The following PNMA8B variants were observed in gnomAD, a reference collection of about 807,000 sequenced individuals.
PNMA8B encodes the protein PNMA family member 8B, also known as paraneoplastic antigen-like protein 8B.
For synonymous variants in PNMA8B, 386 were observed against 394.9 expected (o/e 0.98, Z 0.27); for missense variants, 887 against 885.8 (o/e 1.00, Z -0.02).
Position 46,494,389 on chromosome 19 carries a change from C to G in PNMA8B, c.1077G>C (p.Ser359=). ...TGTCTTTCTCGTCGCTCCAGCCCAG[C>G]GACTCGATAACAGAAGCGATTTTCA... ...EMLKIASVIE[S]LGWSDEKDKR... is the part of the protein sequence containing the mutation. The change falls in exon 1 of 1, where the codon TCG becomes TCC. Residue 359 remains serine (S), a synonymous_variant. Transcript: ENST00000599531. 6.2e-7 allele frequency: 1 copy of G among 1,613,452 alleles called. No individual in the cohort carries two copies. Among genetic ancestry groups the G allele is most frequent in the South Asian group, 1.1e-5 (1 of 91,092 alleles).
chr19:46,495,113 G>A lies in PNMA8B; in HGVS notation c.353C>T (p.Ala118Val). The A allele has an allele frequency of 1.2e-6, 2 of 1,613,578 alleles. No homozygotes were observed. Among genetic ancestry groups the A allele is most frequent in the Non-Finnish European group, 1.7e-6 (2 of 1,179,830 alleles). Residue 118 changes from alanine to valine, a missense_variant, in exon 1 of 1, where the codon GCC becomes GTC. Transcript: ENST00000599531. ...RLLLDDGPTQ[A>V]AEAGTPGEAP... ...CTCCCCGGGGGTCCCAGCCTCCGCG[G>A]CCTGCGTGGGCCCGTCATCCAGCAG...
In PNMA8B at chr19:46,494,567, T is replaced by G. The variant is rs768078845; in HGVS notation, c.899A>C (p.Asp300Ala). The change falls in exon 1 of 1, where the codon GAC (aspartate) becomes GCC (alanine). Residue 300 changes from aspartate (D) to alanine (A), a missense_variant. Asp to Ala is a moderately radical substitution (Grantham distance 126). Transcript: ENST00000599531. ...PDLVALLAVRDTPDEEPVDSD... is the reference protein window; with the variant it reads ...PDLVALLAVRATPDEEPVDSD... ...GTCCACCGGCTCCTCGTCCGGGGTG[T>G]CTCTCACAGCCAGCAGGGCCACTAA... 1 of 1,614,006 alleles carries G rather than the reference T, an allele frequency of 6.2e-7. No homozygotes were observed. Among genetic ancestry groups the G allele is most frequent in the Admixed American group, 1.7e-5 (1 of 60,024 alleles).
chr19:46,494,887 C>T lies in PNMA8B; in HGVS notation c.579G>A (p.Glu193=), dbSNP rs1471254161. The part of the protein sequence containing the change: ...GGRPSAPARS[E]AEDSSDESLG... ...GGCTCTCGTCGGAAGAGTCCTCGGC[C>T]TCACTCCTCGCGGGAGCAGACGGCC... is the stretch of plus-strand genomic sequence containing the variant. Residue 193 remains glutamate, a synonymous_variant, in exon 1 of 1, where the codon GAG becomes GAA. Coordinates refer to ENST00000599531, the MANE Select transcript of PNMA8B (RefSeq NM_020709.3). 1.9e-6 allele frequency: 3 copies of T among 1,612,430 alleles called. No individual in the cohort carries two copies. The highest frequency in any genetic ancestry group is 2.5e-6 in the Non-Finnish European group (3 of 1,179,904).
Position 46,493,473 on chromosome 19 carries a change from A to T in PNMA8B, c.*85T>A, listed in dbSNP as rs1970034951. On this transcript the variant is annotated 3_prime_UTR_variant, in exon 1 of 1. Transcript: ENST00000599531. This position sits in a 1 kb window ranked among gnomAD's most constrained non-coding sequence, Gnocchi z 5.3. ...GGAGATTGCGTCTGCGGAGGACAGG[A>T]AGAGGGGAGGGGAGGGCGGGGGCCA... is the stretch of plus-strand genomic sequence containing the variant. 1 of 825,554 alleles carries T rather than the reference A, an allele frequency of 1.2e-6. No individual in the cohort carries two copies. The highest frequency in any genetic ancestry group is 1.6e-6 in the Non-Finnish European group (1 of 612,188). 51.1% of individuals were successfully genotyped at this position (825,554 alleles called of 1,614,324 possible).
At position 46,495,518 on chromosome 19, in the gene PNMA8B, G is replaced by T; in HGVS notation, c.-53C>A. On this transcript the variant is annotated 5_prime_UTR_variant, in exon 1 of 1. Transcript: ENST00000599531. ...GGGCAGCAGGGAGCCCGAGATAGGG[G>T]TGGGCTGCAGCGCACGGTGTCAATG... The T allele has an allele frequency of 6.5e-7, 1 of 1,540,538 alleles. No individual in the cohort carries two copies. Among genetic ancestry groups the T allele is most frequent in the South Asian group, 1.2e-5 (1 of 80,484 alleles).
At position 46,492,118 on chromosome 19, in the gene PNMA8B, T is replaced by A. The variant is rs1970011677; in HGVS notation, c.*1440A>T. The A allele has an allele frequency of 2.3e-6, 1 of 431,266 alleles. No homozygotes were observed. Among genetic ancestry groups the A allele is most frequent in the Non-Finnish European group, 4.7e-6 (1 of 211,888 alleles). The allele number at this position is 431,266 out of a possible 1,614,324, so 26.7% of individuals were successfully genotyped here. A position where few individuals can be genotyped will look rare whatever the true frequency, so the allele number is the denominator to read the frequency against. ...TGTCCCTGACATAGGACTGGGACAG[T>A]CTGGTCTGGACTGTGAGGTCACACC... On this transcript the variant is annotated 3_prime_UTR_variant, in exon 1 of 1. Coordinates refer to ENST00000599531, the MANE Select transcript of PNMA8B (RefSeq NM_020709.3).
At position 46,494,125 on chromosome 19, in the gene PNMA8B, A is replaced by G; in HGVS notation, c.1341T>C (p.Gly447=). The G allele has an allele frequency of 6.2e-7, 1 of 1,609,612 alleles. No homozygotes were observed. The highest frequency in any genetic ancestry group is 8.5e-7 in the Non-Finnish European group (1 of 1,179,236). ...GWSEHREDEG[G]LLELVALLAA... is the part of the protein sequence containing the mutation. ...CCAGGAGCGCCACCAGCTCCAGAAG[A>G]CCCCCTTCGTCCTCACGGTGCTCGC... The change falls in exon 1 of 1, where the codon GGT becomes GGC. Residue 447 remains glycine, a synonymous_variant. Transcript: ENST00000599531.
chr19:46,494,169 C>T lies in PNMA8B; in HGVS notation c.1297G>A (p.Gly433Ser). ...TGCTCGCTCCAGCCCCCGAAGAGGC[C>T]ACGCCCAGCCTTCTTCGCCTGGGGA... ...LPPQAKKAGR[G>S]LFGGWSEHRE... Residue 433 changes from glycine to serine, a missense_variant, in exon 1 of 1, where the codon GGC becomes AGC. Transcript: ENST00000599531. 1 of 1,610,326 alleles carries T rather than the reference C, an allele frequency of 6.2e-7. No individual in the cohort carries two copies. Among genetic ancestry groups the T allele is most frequent in the African/African-American group, 1.3e-5 (1 of 75,060 alleles).
Position 46,494,396 on chromosome 19 carries a change from A to C in PNMA8B, c.1070T>G (p.Ile357Ser). 1.9e-6 allele frequency: 3 copies of C among 1,613,480 alleles called. No individual in the cohort carries two copies. In the South Asian group the frequency reaches 3.3e-5, roughly 18 times the overall value. ...REEMLKIASV[I>S]ESLGWSDEKD... ...CTCGTCGCTCCAGCCCAGCGACTCG[A>C]TAACAGAAGCGATTTTCAACATCTC... The change falls in exon 1 of 1, where the codon ATC (isoleucine) becomes AGC (serine). Residue 357 changes from isoleucine to serine, a missense_variant. Transcript: ENST00000599531.
chr19:46,493,815 G>T lies in PNMA8B; in HGVS notation c.1651C>A (p.Pro551Thr), dbSNP rs1970044715. Residue 551 changes from proline (P) to threonine (T), a missense_variant, in exon 1 of 1, where the codon CCT becomes ACT. Pro to Thr is a conservative substitution (Grantham distance 38, BLOSUM62 -1). Transcript: ENST00000599531. This position sits in a 1 kb window ranked among gnomAD's most constrained non-coding sequence, Gnocchi z 5.3. ...TTGCGGGCCCCGGAAGCGGTGGGAG[G>T]CGCGCCGGCCGGAGTCAGGCCCCTG... is the stretch of plus-strand genomic sequence containing the variant. ...APRGLTPAGA[P>T]PTASGARKTR... 1 of 1,377,168 alleles carries T rather than the reference G, an allele frequency of 7.3e-7. No homozygotes were observed. Among genetic ancestry groups the T allele is most frequent in the South Asian group, 1.8e-5 (1 of 55,616 alleles). 85.3% of individuals were successfully genotyped at this position (1,377,168 alleles called of 1,614,324 possible). A position where few individuals can be genotyped will look rare whatever the true frequency, so the allele number is the denominator to read the frequency against.
rs201169835 is a variant in PNMA8B at position 46,495,079 on chromosome 19, G to A, written c.387C>T (p.Thr129=). Residue 129 remains threonine, a synonymous_variant, in exon 1 of 1, where the codon ACC becomes ACT. Transcript: ENST00000599531. Reference sequence around the variant, plus strand: ...GGGCCTGCGTCTCCGAAGCGGGAGGGGTGGGTGCCTCCCCGGGGGTCCCAG... The same window carrying A: ...GGGCCTGCGTCTCCGAAGCGGGAGGAGTGGGTGCCTCCCCGGGGGTCCCAG... ...AEAGTPGEAP[T]PPASETQAQD... 3.0e-4 allele frequency: 489 copies of A among 1,612,526 alleles called. No individual in the cohort carries two copies. Among genetic ancestry groups the A allele is most frequent in the Middle Eastern group, 1.5e-3 (9 of 6,084 alleles).
At position 46,493,876 on chromosome 19, in the gene PNMA8B, G is replaced by A. The variant is rs746386665; in HGVS notation, c.1590C>T (p.Ser530=). 2 of 1,537,896 alleles carry A rather than the reference G, an allele frequency of 1.3e-6. No homozygotes were observed. The highest frequency in any genetic ancestry group is 8.7e-7 in the Non-Finnish European group (1 of 1,145,218). ...SEASEPEDRA[S]RKPRAKRART... ...GCGCCCTCTTGGCCCGGGGCTTCCT[G>A]GATGCCCTGTCCTCCGGCTCCGACG... The change falls in exon 1 of 1, where the codon TCC becomes TCT. Residue 530 remains serine, a synonymous_variant. Coordinates refer to ENST00000599531, the MANE Select transcript of PNMA8B (RefSeq NM_020709.3). The surrounding 1 kb of genome is among the most constrained non-coding windows in gnomAD (Gnocchi z 5.3).
Position 46,494,176 on chromosome 19 carries a change from A to G in PNMA8B, c.1290T>C (p.Ala430=). The change falls in exon 1 of 1, where the codon GCT becomes GCC. Residue 430 remains alanine, a synonymous_variant. Transcript: ENST00000599531. ...TCCAGCCCCCGAAGAGGCCACGCCC[A>G]GCCTTCTTCGCCTGGGGAGGGAGAT... ...QPDLPPQAKK[A]GRGLFGGWSE... 1 of 1,610,084 alleles carries G rather than the reference A, an allele frequency of 6.2e-7. No individual in the cohort carries two copies. Among genetic ancestry groups the G allele is most frequent in the Non-Finnish European group, 8.5e-7 (1 of 1,179,852 alleles).
Position 46,493,295 on chromosome 19 carries a change from T to C in PNMA8B, c.*263A>G. Reference sequence around the variant, plus strand: ...TCCTGGTCCACTTGGCGCGTCCCCATCTCGGCCCTGCGCTGCTGCCTCGGG... The same window carrying C: ...TCCTGGTCCACTTGGCGCGTCCCCACCTCGGCCCTGCGCTGCTGCCTCGGG... On this transcript the variant is annotated 3_prime_UTR_variant, in exon 1 of 1. Transcript: ENST00000599531. This position sits in a 1 kb window ranked among gnomAD's most constrained non-coding sequence, Gnocchi z 5.3. The C allele has an allele frequency of 2.7e-6, 1 of 367,396 alleles. No individual in the cohort carries two copies. The highest frequency in any genetic ancestry group is 4.8e-6 in the Non-Finnish European group (1 of 206,794). 22.8% of individuals were successfully genotyped at this position (367,396 alleles called of 1,614,324 possible). A position where few individuals can be genotyped will look rare whatever the true frequency, so the allele number is the denominator to read the frequency against.
rs183110258 is a variant in PNMA8B at position 46,493,142 on chromosome 19, A to G, written c.*416T>C. 414 of 162,514 alleles carry G rather than the reference A, an allele frequency of 2.5e-3. 7 individuals carry two copies. Among genetic ancestry groups the G allele is most frequent in the East Asian group, 2.5e-3 (14 of 5,676 alleles). 10.1% of individuals were successfully genotyped at this position (162,514 alleles called of 1,614,324 possible). A position where few individuals can be genotyped will look rare whatever the true frequency, so the allele number is the denominator to read the frequency against. On this transcript the variant is annotated 3_prime_UTR_variant, in exon 1 of 1. Transcript: ENST00000599531. The surrounding 1 kb of genome is among the most constrained non-coding windows in gnomAD (Gnocchi z 5.3). ...ACCCAGGGCCCAGTCAGACTGGGGT[A>G]GGGGCGACAGCGGCCTACAGCACCT... is the stretch of plus-strand genomic sequence containing the variant.
rs547457453 is a variant in PNMA8B at position 46,493,487 on chromosome 19, G to A, written c.*71C>T. ...CGGAGGACAGGAAGAGGGGAGGGGA[G>A]GGCGGGGGCCACAGGCGGGCGGGTG... On this transcript the variant is annotated 3_prime_UTR_variant, in exon 1 of 1. Coordinates refer to ENST00000599531, the MANE Select transcript of PNMA8B (RefSeq NM_020709.3). The surrounding 1 kb of genome is among the most constrained non-coding windows in gnomAD (Gnocchi z 5.3). The A allele has an allele frequency of 7.2e-6, 7 of 974,834 alleles. No individual in the cohort carries two copies. The highest frequency in any genetic ancestry group is 3.1e-5 in the South Asian group (1 of 32,430). The allele number at this position is 974,834 out of a possible 1,614,324, so 60.4% of individuals were successfully genotyped here.
chr19:46,494,943 G>C lies in PNMA8B; in HGVS notation c.523C>G (p.Gln175Glu). 6.2e-7 allele frequency: 1 copy of C among 1,610,114 alleles called. No individual in the cohort carries two copies. Among genetic ancestry groups the C allele is most frequent in the Non-Finnish European group, 8.5e-7 (1 of 1,179,832 alleles). ...CCTCGGCTTCTCTTCTTGCCCTTCT[G>C]GGTCAACCTGTTGCGTCTGGTTCTG... ...RNRTRRNRLT[Q>E]KGKKRSRGGR... Residue 175 changes from glutamine to glutamate, a missense_variant, in exon 1 of 1, where the codon CAG becomes GAG. Transcript: ENST00000599531.
Position 46,493,728 on chromosome 19 carries a change from G to A in PNMA8B, c.1738C>T (p.Arg580Trp), listed in dbSNP as rs955336919. ...GCGGCGTCGTCCTGGGCCGAGCCCC[G>A]GCTCCCGGCTTTCTTCTCGGGAGTG... ...GVTPEKKAGS[R>W]GSAQDDAAGS... Residue 580 changes from arginine to tryptophan, a missense_variant, in exon 1 of 1, where the codon CGG becomes TGG. Arg to Trp is a moderately radical substitution (Grantham distance 101). Transcript: ENST00000599531. This position sits in a 1 kb window ranked among gnomAD's most constrained non-coding sequence, Gnocchi z 5.3. 2 of 1,494,040 alleles carry A rather than the reference G, an allele frequency of 1.3e-6. No homozygotes were observed. The highest frequency in any genetic ancestry group is 2.2e-5 in the Admixed American group (1 of 45,450). 92.5% of individuals were successfully genotyped at this position (1,494,040 alleles called of 1,614,324 possible).
chr19:46,492,349 G>T lies in PNMA8B; in HGVS notation c.*1209C>A, dbSNP rs376569424. Reference sequence around the variant, plus strand: ...CGGGGTTGCAGGAGCTGAAGCATACGGCACGGCACGGCACAGACTCACATA... The same window carrying T: ...CGGGGTTGCAGGAGCTGAAGCATACTGCACGGCACGGCACAGACTCACATA... On this transcript the variant is annotated 3_prime_UTR_variant, in exon 1 of 1. Transcript: ENST00000599531. 18 of 270,684 alleles carry T rather than the reference G, an allele frequency of 6.6e-5. No individual in the cohort carries two copies. Among genetic ancestry groups the T allele is most frequent in the Admixed American group, 9.3e-5 (2 of 21,518 alleles). The allele number at this position is 270,684 out of a possible 1,614,324, so 16.8% of individuals were successfully genotyped here. A position where few individuals can be genotyped will look rare whatever the true frequency, so the allele number is the denominator to read the frequency against.
Sources: allele counts gnomAD v4.1 joint callset, GRCh38; gene constraint gnomAD v4.1.1; non-coding constraint Gnocchi (gnomAD v3.1); transcripts MANE v1.5; gene names NCBI Gene and HGNC (gene_info 2026-07-23, HGNC 2026-07-21).